LUZP2: variants seen among roughly 807,000 people sequenced by gnomAD.
The protein encoded by LUZP2 is leucine zipper protein 2.
A neutral mutation model predicts 51.6 loss-of-function variants in LUZP2; 52 were observed. That is an observed-to-expected ratio of 1.01 (90% confidence interval 0.81 to 1.27). LUZP2 has a LOEUF of 1.27. Ranked by LOEUF, LUZP2 falls within the 50% of genes most tolerant of loss-of-function variation. The probability of loss-of-function intolerance (pLI) is 0.00; values close to 1 mark genes in which losing one functional copy is unlikely to be tolerated. For missense variants in LUZP2, 436 were observed against 395.4 expected (o/e 1.10, Z -0.87); for synonymous variants, 154 against 137.3 (o/e 1.12, Z -0.85).
intron 5 of LUZP2, among the ~76,000 whole-genome samples, chr11:24,804,683 C>G (rs1032528899): frequency 1.3e-4 from 20 of 152,044 alleles, no homozygotes; most frequent in Admixed American, 1.1e-3. Context: ...ATCTCATGAC[C>G]TGTTTTAGAG....
chr11:24,518,950 C>A (rs759212670), intron 1 of LUZP2, among the ~76,000 whole-genome samples: 3 of 152,170 alleles, frequency 2.0e-5, no homozygotes, highest in East Asian at 1.9e-4. Context: ...TATTTTGATG[C>A]AGATCATACT....
At chr11:24,613,679 A>G (rs1854196159) in intron 1 of LUZP2, among the ~76,000 whole-genome samples, 1 of 152,020 alleles carries the variant, frequency 6.6e-6, no homozygotes, top group Non-Finnish European at 1.5e-5. Flanking sequence ...AAATGTGATG[A>G]TGAACAATAA....
chr11:24,799,555 C>G (rs2134112610), intron 5 of LUZP2, among the ~76,000 whole-genome samples: 1 of 150,286 alleles, frequency 6.7e-6, no homozygotes, highest in East Asian at 2.0e-4. Flanking sequence ...CACACCATTG[C>G]ACTCCAGCCT....
chr11:24,607,927 C>A (rs1159831928), intron 1 of LUZP2, among the ~76,000 whole-genome samples: 2 of 151,948 alleles, frequency 1.3e-5, no homozygotes, highest in Non-Finnish European at 2.9e-5. Flanking sequence ...AGGCTCACTG[C>A]AAGCTCCGCC....
intron 8 of LUZP2, among the ~76,000 whole-genome samples, chr11:24,977,797 TTTA>T (rs1338602944): frequency 6.6e-6 from 1 of 151,590 alleles, no homozygotes; most frequent in Non-Finnish European, 1.5e-5. Flanking sequence ...ATATATGTAT[TTTA>T]TTATCAAAAT....
At position 24,732,130 on chromosome 11, in the gene LUZP2, G is replaced by A. The variant is rs369078244; in HGVS notation, c.193G>A (p.Asp65Asn). 6.2e-6 allele frequency: 10 copies of A among 1,608,176 alleles called. No homozygotes were observed. The highest frequency in any genetic ancestry group is 2.2e-5 in the East Asian group (1 of 44,746). ...IKVNLQSLKN[D>N]EQSAKTDVQK... ...CTTTTCTTATCAGTCCTTAAAAAACGATGAGCAGTCTGCCAAAACTGATGT... is the reference window on the plus strand; with the variant it reads ...CTTTTCTTATCAGTCCTTAAAAAACAATGAGCAGTCTGCCAAAACTGATGT... Residue 65 changes from aspartate to asparagine, a missense_variant, in exon 3 of 12, where the codon GAT becomes AAT. Coordinates refer to ENST00000336930, the MANE Select transcript of LUZP2 (RefSeq NM_001009909.4).
At chr11:24,915,538 A>T (rs1279024907) in intron 7 of LUZP2, among the ~76,000 whole-genome samples, 1 of 152,146 alleles carries the variant, frequency 6.6e-6, no homozygotes, top group East Asian at 1.9e-4. Context: ...GTAAAACCTT[A>T]GCATTTTTAG....
intron 1 of LUZP2, among the ~76,000 whole-genome samples, chr11:24,652,125 T>C (rs1201382503): frequency 6.6e-6 from 1 of 152,020 alleles, no homozygotes; most frequent in Non-Finnish European, 1.5e-5. Flanking sequence ...TGTGTGTGTG[T>C]GTGCGTATGT....
chr11:24,906,277 C>T (rs1192278640), intron 6 of LUZP2, among the ~76,000 whole-genome samples: 3 of 149,572 alleles, frequency 2.0e-5, no homozygotes, highest in Admixed American at 1.3e-4. Context: ...TAATGATCAC[C>T]TTTGTAGATT....
chr11:24,501,053 A>G (rs1452288274), intron 1 of LUZP2, among the ~76,000 whole-genome samples: 1 of 152,160 alleles, frequency 6.6e-6, no homozygotes, highest in African/African-American at 2.4e-5. Flanking sequence ...ACTCTCCTGA[A>G]ATATTTTGAG....
intron 9 of LUZP2, among the ~76,000 whole-genome samples, chr11:25,031,290 G>A (rs1012124171): frequency 5.9e-5 from 9 of 151,646 alleles, no homozygotes; most frequent in South Asian, 2.1e-4. Context: ...TATTACAGGC[G>A]TGAGCCACCA....
chr11:24,824,373 A>AAAAAAAAAAAAAAAAAAG (rs1850460038), intron 5 of LUZP2, among the ~76,000 whole-genome samples: 1 of 143,642 alleles, frequency 7.0e-6, no homozygotes, highest in Non-Finnish European at 1.5e-5. Context: ...TCTCAAAAAA[A>AAAAAAAAAAAAAAAAAAG]AAAAAAAAAA....
At chr11:24,812,773 C>T (rs1319736739) in intron 5 of LUZP2, among the ~76,000 whole-genome samples, 1 of 152,022 alleles carries the variant, frequency 6.6e-6, no homozygotes, top group Non-Finnish European at 1.5e-5. Flanking sequence ...ATATTGTTGC[C>T]TAACCAAGGA....
intron 1 of LUZP2, among the ~76,000 whole-genome samples, chr11:24,624,854 T>G (rs575522588): frequency 6.6e-6 from 1 of 152,324 alleles, no homozygotes; most frequent in South Asian, 2.1e-4. Context: ...ATTTTTATTA[T>G]TGTTATTATT....
intron 5 of LUZP2, among the ~76,000 whole-genome samples, chr11:24,904,305 CAG>C (rs1346078127): frequency 6.6e-6 from 1 of 151,792 alleles, no homozygotes; most frequent in African/African-American, 2.4e-5. Context: ...TTTTTTCAGA[CAG>C]AGTCTTGCTC....
chr11:24,529,339 GATCAACC>G (rs1850921122), intron 1 of LUZP2, among the ~76,000 whole-genome samples: 1 of 150,860 alleles, frequency 6.6e-6, no homozygotes, highest in Non-Finnish European at 1.5e-5. Flanking sequence ...TCACTCATGA[GATCAACC>G]ATGTAGCAAC....
intron 10 of LUZP2, among the ~76,000 whole-genome samples, chr11:25,058,499 A>G (rs1280806074): frequency 1.3e-5 from 2 of 152,194 alleles, no homozygotes; most frequent in East Asian, 1.9e-4. Context: ...TACCTATGAG[A>G]CACATAAGGA....
chr11:24,865,204 T>C (rs1851854261), intron 5 of LUZP2, among the ~76,000 whole-genome samples: 1 of 152,226 alleles, frequency 6.6e-6, no homozygotes, highest in Non-Finnish European at 1.5e-5. Context: ...AAATGTGGCT[T>C]ATTCCCTCTC....
chr11:24,873,780 A>G (rs367626760), intron 5 of LUZP2, among the ~76,000 whole-genome samples: 1 of 152,212 alleles, frequency 6.6e-6, no homozygotes, highest in African/African-American at 2.4e-5. Context: ...AAGCTGTGTG[A>G]CATTGAACAA....
Sources: gnomAD v4.1 joint callset for allele counts (sites outside exome capture counted in the v4.1 genomes callset) on GRCh38, gnomAD v4.1.1 for gene constraint, MANE v1.5 for transcripts, NCBI Gene and HGNC (gene_info 2026-07-23, HGNC 2026-07-21) for gene names.